Variants in PCED1B observed in about 807,000 individuals in gnomAD.
The protein encoded by PCED1B is PC-esterase domain containing 1B, also known as PC-esterase domain-containing protein 1B.
For missense variants in PCED1B, 573 were observed against 573.9 expected, an observed-to-expected ratio of 1.00 and a Z score of 0.02; for synonymous variants, 251 against 246.1, an observed-to-expected ratio of 1.02 and a Z score of -0.19.
At chr12:47,129,073 C>G (rs1036750177) in intron 2 of PCED1B, among the ~76,000 whole-genome samples, 4 of 152,196 alleles carry the variant, frequency 2.6e-5, no homozygotes, top group African/African-American at 7.2e-5. Context: ...ATTGTTCCTG[C>G]CTTAACAAAC....
At chr12:47,088,948 T>C (rs1261681636) in intron 1 of PCED1B, among the ~76,000 whole-genome samples, 1 of 152,220 alleles carries the variant, frequency 6.6e-6, no homozygotes, top group African/African-American at 2.4e-5. Flanking sequence ...GCTCCTTGGC[T>C]GTATTTTTAG....
chr12:47,170,302 A>T (rs1465268502), intron 2 of PCED1B, among the ~76,000 whole-genome samples: 1 of 152,204 alleles, frequency 6.6e-6, no homozygotes, highest in Non-Finnish European at 1.5e-5. Context: ...TTCTTTCTAC[A>T]CAGACACAGT....
intron 2 of PCED1B, among the ~76,000 whole-genome samples, chr12:47,126,766 T>C (rs1247623943): frequency 1.3e-5 from 2 of 152,174 alleles, no homozygotes; most frequent in African/African-American, 4.8e-5. Flanking sequence ...GTCATCTAAG[T>C]TGTCAAATTT....
At chr12:47,086,512 T>C (rs1937993505) in intron 1 of PCED1B, among the ~76,000 whole-genome samples, 1 of 152,298 alleles carries the variant, frequency 6.6e-6, no homozygotes, top group African/African-American at 2.4e-5. Context: ...GATGATCTTT[T>C]TTCTTTGTCA....
At chr12:47,222,077 T>TG (rs1179552610) in intron 3 of PCED1B, among the ~76,000 whole-genome samples, 1 of 141,054 alleles carries the variant, frequency 7.1e-6, no homozygotes, top group African/African-American at 2.6e-5. Context: ...CACTCCAGCC[T>TG]GGGTGACAGA....
At position 47,235,276 on chromosome 12, in the gene PCED1B, C is replaced by T. The variant is rs777059943; in HGVS notation, c.213C>T (p.His71=). Residue 71 remains histidine, a synonymous_variant, in exon 4 of 4, where the codon CAC becomes CAT. Transcript: ENST00000546455. ...LVDGGQRGHM[H]NGLNYREVRE... is the part of the protein sequence containing the mutation. Reference sequence around the variant, plus strand: ...ACGGAGGCCAGCGGGGCCACATGCACAACGGCCTTAACTACCGTGAGGTCC... The same window carrying T: ...ACGGAGGCCAGCGGGGCCACATGCATAACGGCCTTAACTACCGTGAGGTCC... 4 of 1,614,124 alleles carry T rather than the reference C, an allele frequency of 2.5e-6. No individual in the cohort carries two copies. The Admixed American group carries it at 6.7e-5, about 27-fold the overall frequency.
At chr12:47,212,593 G>T (rs989172003) in intron 2 of PCED1B, among the ~76,000 whole-genome samples, 1 of 152,132 alleles carries the variant, frequency 6.6e-6, no homozygotes, top group African/African-American at 2.4e-5. Context: ...CTCCACTTGC[G>T]CAGTCTATTC....
At chr12:47,102,377 A>C (rs1938745765) in intron 1 of PCED1B, among the ~76,000 whole-genome samples, 1 of 152,214 alleles carries the variant, frequency 6.6e-6, no homozygotes, top group Non-Finnish European at 1.5e-5. Flanking sequence ...TACTTGTAAT[A>C]ATATCAATAA....
chr12:47,090,340 G>T (rs1372029649), intron 1 of PCED1B, among the ~76,000 whole-genome samples: 3 of 152,184 alleles, frequency 2.0e-5, no homozygotes, highest in Admixed American at 2.0e-4. Flanking sequence ...AGAATGTCAT[G>T]AGATGCAGGC....
intron 2 of PCED1B, among the ~76,000 whole-genome samples, chr12:47,178,606 T>C (rs1481225049): frequency 6.6e-6 from 1 of 152,120 alleles, no homozygotes; most frequent in Non-Finnish European, 1.5e-5. Flanking sequence ...CGGTGGTTCA[T>C]GCCTGTAATC....
chr12:47,159,069 A>G (rs758549879), intron 2 of PCED1B, among the ~76,000 whole-genome samples: 30 of 142,658 alleles, frequency 2.1e-4, no homozygotes, highest in Non-Finnish European at 4.7e-4. Context: ...TGCAAATGAC[A>G]TGATTTTATT....
chr12:47,135,805 C>G (rs755440470), intron 2 of PCED1B: 34 of 497,814 alleles, frequency 6.8e-5, no homozygotes, highest in Non-Finnish European at 1.4e-4. Flanking sequence ...TGGGGTGCCC[C>G]CAGCACAGCC....
intron 1 of PCED1B, among the ~76,000 whole-genome samples, chr12:47,082,114 T>C (rs887440999): frequency 6.6e-6 from 1 of 152,218 alleles, no homozygotes; most frequent in Non-Finnish European, 1.5e-5. Context: ...CCTTATTTTG[T>C]GGAGGATAAC....
intron 2 of PCED1B, among the ~76,000 whole-genome samples, chr12:47,174,136 A>T (rs1042278909): frequency 2.0e-5 from 3 of 151,874 alleles, no homozygotes; most frequent in Admixed American, 2.0e-4. Context: ...TGGCCGGCTG[A>T]GGTGGCTCAC....
At chr12:47,120,538 A>G (rs1156342916) in intron 2 of PCED1B, among the ~76,000 whole-genome samples, 2 of 152,178 alleles carry the variant, frequency 1.3e-5, no homozygotes, top group African/African-American at 2.4e-5. Context: ...GCAGTGGCTC[A>G]TGCCTGTAAT....
chr12:47,189,454 G>A (rs953085546), intron 2 of PCED1B, among the ~76,000 whole-genome samples: 1 of 152,304 alleles, frequency 6.6e-6, no homozygotes, highest in South Asian at 2.1e-4. Flanking sequence ...AGTCACTACA[G>A]CAACTATTAT....
At chr12:47,143,376 A>C (rs7484989) in intron 2 of PCED1B, among the ~76,000 whole-genome samples, 4 of 151,902 alleles carry the variant, frequency 2.6e-5, no homozygotes, top group Admixed American at 2.6e-4. Context: ...AGTTACAAGA[A>C]ACAAAATTAA....
intron 3 of PCED1B, among the ~76,000 whole-genome samples, chr12:47,234,515 G>A (rs1943910120): frequency 6.6e-6 from 1 of 152,018 alleles, no homozygotes; most frequent in African/African-American, 2.4e-5. Context: ...TAAGTGATGG[G>A]GCATTCAGTA....
At chr12:47,123,175 C>T (rs1473206279) in intron 2 of PCED1B, among the ~76,000 whole-genome samples, 1 of 152,232 alleles carries the variant, frequency 6.6e-6, no homozygotes, top group East Asian at 1.9e-4. Context: ...TCTTTGATAG[C>T]AGTCACATTG....
Sources: allele counts gnomAD v4.1 joint callset (sites outside exome capture counted in the v4.1 genomes callset), GRCh38; gene constraint gnomAD v4.1.1; transcripts MANE v1.5; gene names NCBI Gene and HGNC (gene_info 2026-07-23, HGNC 2026-07-21).